RBFOX2: variants seen among roughly 807,000 people sequenced by gnomAD.
The protein encoded by RBFOX2 is RNA binding protein fox-1 homolog 2.
In RBFOX2, 10 loss-of-function variants were observed where a neutral mutation model predicts 49.1. The observed-to-expected ratio is 0.20, with a 90% CI of 0.13 to 0.35. RBFOX2 has a LOEUF of 0.35. Ranked by LOEUF, RBFOX2 falls within the 10% of genes least tolerant of loss-of-function variation. The pLI is 1.00. For missense variants in RBFOX2, 323 were observed against 486.9 expected (o/e 0.66, Z 3.17); for synonymous variants, 183 against 187.4 (o/e 0.98, Z 0.19).
chr22:35,958,509 C>T (rs2055844837), intron 1 of RBFOX2, among the ~76,000 whole-genome samples: 1 of 152,170 alleles, frequency 6.6e-6, no homozygotes, highest in African/African-American at 2.4e-5. Context: ...CTGTTGCTTC[C>T]AATGCCCTAC....
intron 1 of RBFOX2, among the ~76,000 whole-genome samples, chr22:35,847,705 C>A (rs973858181): frequency 6.6e-6 from 1 of 151,774 alleles, no homozygotes; most frequent in African/African-American, 2.4e-5. Flanking sequence ...GGAGAGTAAA[C>A]CCTTAAATTT....
At chr22:35,797,943 C>G (rs894523046) in intron 2 of RBFOX2, among the ~76,000 whole-genome samples, 5 of 152,156 alleles carry the variant, frequency 3.3e-5, no homozygotes, top group African/African-American at 1.2e-4. Context: ...CGCTTCATTA[C>G]TCTCTTTCTA....
rs754849273 is a variant in RBFOX2 at position 35,746,468 on chromosome 22, C to T, written c.976+5G>A. On this transcript the variant is annotated splice_donor_5th_base_variant and intron_variant, in intron 10 of 11. Coordinates refer to ENST00000405409, the Ensembl canonical transcript of RBFOX2. ...CCCAAAGCTCACCACTGTCTCTGTA[C>T]ATACCCGTCACTGTAAGCGGCTGCA... The T allele has an allele frequency of 6.3e-7, 1 of 1,588,414 alleles. No individual in the cohort carries two copies. The highest frequency in any genetic ancestry group is 8.6e-7 in the Non-Finnish European group (1 of 1,162,712).
At chr22:35,912,661 A>AT (rs1046321114) in intron 1 of RBFOX2, among the ~76,000 whole-genome samples, 1 of 151,998 alleles carries the variant, frequency 6.6e-6, no homozygotes, top group Non-Finnish European at 1.5e-5. Flanking sequence ...ACTTCTTTTA[A>AT]TTTTTTTTCA....
At chr22:35,925,389 G>A (rs1338004942) in intron 1 of RBFOX2, among the ~76,000 whole-genome samples, 1 of 152,092 alleles carries the variant, frequency 6.6e-6, no homozygotes, top group Non-Finnish European at 1.5e-5. Flanking sequence ...AGCTAGGCGT[G>A]GTAGCACATG....
intron 1 of RBFOX2, among the ~76,000 whole-genome samples, chr22:35,872,448 C>T (rs573576021): frequency 2.5e-4 from 38 of 152,282 alleles, no homozygotes; most frequent in African/African-American, 5.5e-4. Context: ...TTCTGTATCC[C>T]GGGTTCTTGC....
At chr22:36,007,684 G>T (rs556726404) in intron 1 of RBFOX2, among the ~76,000 whole-genome samples, 4 of 151,972 alleles carry the variant, frequency 2.6e-5, no homozygotes, top group Non-Finnish European at 4.4e-5. Context: ...ATGCTCCTCC[G>T]AGGAGGCAAC....
At chr22:35,812,332 T>C (rs1681199333) in intron 1 of RBFOX2, among the ~76,000 whole-genome samples, 1 of 151,746 alleles carries the variant, frequency 6.6e-6, no homozygotes, top group African/African-American at 2.4e-5. Context: ...AAACTTTAAA[T>C]TTTTTTGGAA....
intron 2 of RBFOX2, among the ~76,000 whole-genome samples, chr22:35,803,025 G>A (rs1260364715): frequency 6.6e-6 from 1 of 152,046 alleles, no homozygotes; most frequent in Non-Finnish European, 1.5e-5. Context: ...GAAGACACGG[G>A]TGCCTCCTAG....
Position 35,974,428 on chromosome 22 carries a change from T to C in RBFOX2, c.187-35531A>G, listed in dbSNP as rs550388417. ...GGCCAGGCACAGTGGCTCACGCCTG[T>C]TATCCCAGCACTTTGTTTGGGAGGC... On this transcript the variant is annotated intron_variant, in intron 1 of 13. Transcript: ENST00000438146. Among the ~76,000 whole-genome samples, 14 of 152,320 alleles carry C rather than the reference T, an allele frequency of 9.2e-5. No homozygotes were observed. In the South Asian group the frequency reaches 2.9e-3, roughly 32 times the overall value.
chr22:35,971,912 TAAAAAAAAAAAAA>T (rs527896726), intron 1 of RBFOX2, among the ~76,000 whole-genome samples: 2 of 56,618 alleles, frequency 3.5e-5, no homozygotes, highest in African/African-American at 1.3e-4. Flanking sequence ...TTTTTCTCCC[TAAAAAAAAAAAAA>T]AAAAAAAAAA....
chr22:35,851,255 G>A (rs1252110835), intron 1 of RBFOX2, among the ~76,000 whole-genome samples: 1 of 152,150 alleles, frequency 6.6e-6, no homozygotes, highest in Non-Finnish European at 1.5e-5. Flanking sequence ...CACTATACTC[G>A]ATTATCTTCA....
intron 1 of RBFOX2, among the ~76,000 whole-genome samples, chr22:35,915,161 T>C (rs2050266528): frequency 6.6e-6 from 1 of 152,168 alleles, no homozygotes; most frequent in African/African-American, 2.4e-5. Context: ...GCCACCTCCT[T>C]TAAGAGCAGC....
At chr22:35,744,907 T>G (rs992435489) in intron 11 of RBFOX2, among the ~76,000 whole-genome samples, 1 of 152,214 alleles carries the variant, frequency 6.6e-6, no homozygotes, top group East Asian at 1.9e-4. Flanking sequence ...CAATTAGAAG[T>G]TTCCCAGGAA....
chr22:35,910,234 C>T (rs1216285232), intron 1 of RBFOX2, among the ~76,000 whole-genome samples: 2 of 152,208 alleles, frequency 1.3e-5, no homozygotes, highest in African/African-American at 4.8e-5. Flanking sequence ...CATACTGATG[C>T]TGTGTTATTC....
intron 5 of RBFOX2, among the ~76,000 whole-genome samples, chr22:35,767,804 C>T (rs994797463): frequency 2.6e-5 from 4 of 152,098 alleles, no homozygotes; most frequent in African/African-American, 9.7e-5. Context: ...GCGAACTGGC[C>T]TCCCAAGAGA....
chr22:35,831,022 C>T (rs1234077251), intron 1 of RBFOX2, among the ~76,000 whole-genome samples: 1 of 152,120 alleles, frequency 6.6e-6, no homozygotes, highest in Non-Finnish European at 1.5e-5. Flanking sequence ...CTTACGTATG[C>T]TATAAAGGAA....
At chr22:35,776,001 C>A (rs1354860171) in intron 4 of RBFOX2, among the ~76,000 whole-genome samples, 1 of 152,000 alleles carries the variant, frequency 6.6e-6, no homozygotes, top group Non-Finnish European at 1.5e-5. Flanking sequence ...GTCCTCAATG[C>A]CTGATGAAAC....
chr22:35,766,579 C>A (rs1341114547), intron 5 of RBFOX2, among the ~76,000 whole-genome samples: 1 of 152,034 alleles, frequency 6.6e-6, no homozygotes, highest in East Asian at 1.9e-4. Context: ...TCTAGCTTCG[C>A]CCACCAAATA....
Sources: allele counts gnomAD v4.1 joint callset (sites outside exome capture counted in the v4.1 genomes callset), GRCh38; gene constraint gnomAD v4.1.1; transcripts MANE v1.5; gene names NCBI Gene and HGNC (gene_info 2026-07-23, HGNC 2026-07-21).